Variants in PLPPR1 observed in about 807,000 individuals in gnomAD.
PLPPR1 encodes phospholipid phosphatase-related protein type 1.
A neutral mutation model predicts 33.1 loss-of-function variants in PLPPR1; 10 were observed. The ratio of observed to expected loss-of-function variants is 0.30; its 90% CI spans 0.19 to 0.51. The LOEUF (loss-of-function observed/expected upper bound fraction) is 0.51. PLPPR1 is among the 20% of genes least tolerant of loss of function. The pLI, the probability that PLPPR1 is intolerant of heterozygous loss-of-function variation, is 0.97. For synonymous variants in PLPPR1, 151 were observed against 151.0 expected (o/e 1.00, Z 0.00); for missense variants, 304 against 408.1 (o/e 0.74, Z 2.20).
intron 2 of PLPPR1, among the ~76,000 whole-genome samples, chr9:101,186,109 T>C (rs1183906215): frequency 2.0e-5 from 3 of 151,918 alleles, no homozygotes; most frequent in Non-Finnish European, 4.4e-5. Context: ...GCTCCAACTT[T>C]GTACTAGCAG....
intron 1 of PLPPR1, among the ~76,000 whole-genome samples, chr9:101,062,881 A>G (rs607409): frequency 2.0e-5 from 3 of 151,732 alleles, no homozygotes; most frequent in African/African-American, 7.3e-5. Context: ...TGTCCACCAG[A>G]TTTGTGTAAT....
chr9:101,292,126 G>C lies in PLPPR1; in HGVS notation c.385+5890G>C, dbSNP rs554094972. On this transcript the variant is annotated intron_variant, in intron 4 of 7. Coordinates refer to ENST00000374874, the MANE Select transcript of PLPPR1 (RefSeq NM_207299.2). ...CTGATGGAGCTGCAAGCCAAGGCTC[G>C]AGAACTACGTGAAGAATGCAGAAGC... is the stretch of plus-strand genomic sequence containing the variant. Among the ~76,000 whole-genome samples, 47 of 152,278 alleles carry C rather than the reference G, an allele frequency of 3.1e-4. No individual in the cohort carries two copies. In the South Asian group the frequency reaches 7.3e-3, roughly 24 times the overall value.
intron 1 of PLPPR1, among the ~76,000 whole-genome samples, chr9:101,098,179 G>C (rs1830844896): frequency 6.6e-6 from 1 of 152,190 alleles, no homozygotes; most frequent in Admixed American, 6.5e-5. Flanking sequence ...GCCAACATCT[G>C]TTTATGCCAG....
intron 1 of PLPPR1, among the ~76,000 whole-genome samples, chr9:101,101,975 T>C (rs1299013284): frequency 6.6e-6 from 1 of 152,116 alleles, no homozygotes; most frequent in Non-Finnish European, 1.5e-5. Context: ...CCATCACCTC[T>C]TCCATGCTGT....
intron 3 of PLPPR1, among the ~76,000 whole-genome samples, chr9:101,276,688 G>A (rs1008742450): frequency 5.3e-5 from 8 of 152,280 alleles, no homozygotes; most frequent in African/African-American, 1.4e-4. Flanking sequence ...AAAGATATAA[G>A]AGAACACTAT....
At chr9:101,301,264 T>G (rs769645333) in intron 4 of PLPPR1, among the ~76,000 whole-genome samples, 4 of 152,206 alleles carry the variant, frequency 2.6e-5, no homozygotes, top group African/African-American at 7.2e-5. Flanking sequence ...AATATTTGTT[T>G]CAGGTTGTTA....
Position 101,290,073 on chromosome 9 carries a change from A to T in PLPPR1, c.385+3837A>T, listed in dbSNP as rs564405024. ...CTATTAATCTTGAGAAGGGTAACTT[A>T]CTCTGAGTATATGTGAATTTTTTTC... is the stretch of plus-strand genomic sequence containing the variant. On this transcript the variant is annotated intron_variant, in intron 4 of 7. Coordinates refer to ENST00000374874, the MANE Select transcript of PLPPR1 (RefSeq NM_207299.2). 2.0e-5 allele frequency among the ~76,000 whole-genome samples: 3 copies of T among 152,268 alleles called. No homozygotes were observed. The East Asian group carries it at 5.8e-4, about 29-fold the overall frequency.
chr9:101,231,070 T>A (rs1367756), intron 2 of PLPPR1, among the ~76,000 whole-genome samples: 1 of 151,512 alleles, frequency 6.6e-6, no homozygotes, highest in Non-Finnish European at 1.5e-5. Flanking sequence ...CTATTAATAA[T>A]GACTTGATGA....
chr9:101,246,273 T>C (rs1827610919), intron 2 of PLPPR1, among the ~76,000 whole-genome samples: 1 of 151,530 alleles, frequency 6.6e-6, no homozygotes, highest in Non-Finnish European at 1.5e-5. Flanking sequence ...AAAGGAGTAG[T>C]AGCACATGAA....
At chr9:101,114,616 G>C (rs536743227) in intron 1 of PLPPR1, among the ~76,000 whole-genome samples, 1 of 152,304 alleles carries the variant, frequency 6.6e-6, no homozygotes, top group South Asian at 2.1e-4. Flanking sequence ...GATGTGACTC[G>C]CACAGGCCAA....
chr9:101,248,305 C>T (rs1827650990), intron 2 of PLPPR1, among the ~76,000 whole-genome samples: 1 of 152,032 alleles, frequency 6.6e-6, no homozygotes. Flanking sequence ...CTTCCTGAAC[C>T]TTTTTAGCTC....
chr9:101,281,617 A>G (rs1276712496), intron 3 of PLPPR1, among the ~76,000 whole-genome samples: 2 of 152,128 alleles, frequency 1.3e-5, no homozygotes, highest in Non-Finnish European at 2.9e-5. Flanking sequence ...AAGAATAAAT[A>G]GAGACTAGAA....
chr9:101,204,294 A>G (rs1038093624), intron 2 of PLPPR1, among the ~76,000 whole-genome samples: 2 of 152,158 alleles, frequency 1.3e-5, no homozygotes, highest in South Asian at 4.1e-4. Flanking sequence ...TTTATGTCAC[A>G]CTATGAATAA....
At chr9:101,290,848 C>T (rs370039446) in intron 4 of PLPPR1, among the ~76,000 whole-genome samples, 8 of 152,310 alleles carry the variant, frequency 5.3e-5, no homozygotes, top group African/African-American at 1.4e-4. Context: ...CAGCTCTCAG[C>T]GTGAGTGACG....
chr9:101,101,368 G>T (rs1011260372), intron 1 of PLPPR1, among the ~76,000 whole-genome samples: 22 of 152,002 alleles, frequency 1.4e-4, no homozygotes, highest in Admixed American at 3.9e-4. Context: ...AAGGAAATGT[G>T]GTCCTGTCCT....
chr9:101,230,690 C>T (rs939844582), intron 2 of PLPPR1, among the ~76,000 whole-genome samples: 4 of 152,002 alleles, frequency 2.6e-5, no homozygotes, highest in Non-Finnish European at 5.9e-5. Flanking sequence ...CTATTTTGAT[C>T]TCTCTCACAC....
At chr9:101,303,582 G>T (rs1341330042) in intron 4 of PLPPR1, among the ~76,000 whole-genome samples, 1 of 152,124 alleles carries the variant, frequency 6.6e-6, no homozygotes, top group Admixed American at 6.6e-5. Context: ...ATTACAGCAT[G>T]AGCCACTGTG....
At chr9:101,294,633 C>A (rs1828585382) in intron 4 of PLPPR1, among the ~76,000 whole-genome samples, 1 of 152,052 alleles carries the variant, frequency 6.6e-6, no homozygotes. Flanking sequence ...CCCTGGGATG[C>A]AAGGCTGGTT....
intron 2 of PLPPR1, among the ~76,000 whole-genome samples, chr9:101,231,384 G>A (rs1428203287): frequency 6.7e-6 from 1 of 148,952 alleles, no homozygotes; most frequent in Admixed American, 6.7e-5. Context: ...TTTAGTTTTG[G>A]TTTCTTTCTA....
Sources: allele counts gnomAD v4.1 joint callset (sites outside exome capture counted in the v4.1 genomes callset), GRCh38; gene constraint gnomAD v4.1.1; transcripts MANE v1.5; gene names NCBI Gene and HGNC (gene_info 2026-07-23, HGNC 2026-07-21).